The following SORCS2 variants were observed in gnomAD, a reference collection of about 807,000 sequenced individuals.
SORCS2 encodes the protein VPS10 domain-containing receptor SorCS2.
Under a neutral mutation model 141.6 loss-of-function variants are expected in SORCS2, and 100 were observed. The observed-to-expected ratio is 0.71, with a 90% CI of 0.60 to 0.83. The LOEUF is 0.83. SORCS2 is among the 40% of genes least tolerant of loss of function. SORCS2 has a pLI of 0.00. For synonymous variants in SORCS2, 789 were observed against 676.9 expected, an observed-to-expected ratio of 1.17 and a Z score of -2.57; for missense variants, 1,646 against 1,560.2, an observed-to-expected ratio of 1.05 and a Z score of -0.93.
intron 2 of SORCS2, among the ~76,000 whole-genome samples, chr4:7,471,799 G>A (rs1729994172): frequency 6.6e-6 from 1 of 152,234 alleles, no homozygotes; most frequent in Admixed American, 6.5e-5. Flanking sequence ...GGTGATGTCT[G>A]CGGAATGCAA....
intron 7 of SORCS2, 38 bp from the exon 8 acceptor site, chr4:7,667,086 A>C: frequency 1.3e-6 from 2 of 1,552,594 alleles, no homozygotes; most frequent in Non-Finnish European, 1.8e-6. Flanking sequence ...TGGAGAGGGA[A>C]TCAAGCCTCT....
At chr4:7,538,004 CA>C (rs1712271068) in intron 3 of SORCS2, among the ~76,000 whole-genome samples, 1 of 152,042 alleles carries the variant, frequency 6.6e-6, no homozygotes, top group African/African-American at 2.4e-5. Flanking sequence ...GAAAAGGGGG[CA>C]AAGTCAGCCT....
At chr4:7,420,588 T>C (rs546233886) in intron 2 of SORCS2, among the ~76,000 whole-genome samples, 13 of 152,196 alleles carry the variant, frequency 8.5e-5, no homozygotes, top group Non-Finnish European at 1.6e-4. Context: ...AGTGTGGCCA[T>C]GGAAGGAAGT....
intron 4 of SORCS2, among the ~76,000 whole-genome samples, chr4:7,651,398 C>T (rs886369): frequency 0.089 from 13,489 of 152,136 alleles, 1,282 homozygotes; most frequent in African/African-American, 0.24. Flanking sequence ...GGCTTCCTGG[C>T]ATTGCTGTTA....
chr4:7,674,242 A>G (rs1361173757), intron 8 of SORCS2, among the ~76,000 whole-genome samples: 1 of 151,840 alleles, frequency 6.6e-6, no homozygotes, highest in Non-Finnish European at 1.5e-5. Flanking sequence ...GGCTCCTGCC[A>G]CTGTGGGGTC....
In SORCS2 at chr4:7,381,967, G is replaced by T. The variant is rs564592897; in HGVS notation, c.481-14321G>T. On this transcript the variant is annotated intron_variant, in intron 1 of 26. Coordinates refer to ENST00000507866, the MANE Select transcript of SORCS2 (RefSeq NM_020777.3). ...CCACTAGCCTCTCTGGGCCAGGCCT[G>T]TGGAGTCTCCAGAGGAAACAGGCAG... is the stretch of plus-strand genomic sequence containing the variant. 6 of 985,820 alleles carry T rather than the reference G, an allele frequency of 6.1e-6. No individual in the cohort carries two copies. The South Asian group carries it at 2.3e-4, about 39-fold the overall frequency. 61.1% of individuals were successfully genotyped at this position (985,820 alleles called of 1,614,324 possible).
chr4:7,493,125 G>GGA (rs1195234214), intron 2 of SORCS2, among the ~76,000 whole-genome samples: 2 of 152,286 alleles, frequency 1.3e-5, no homozygotes, highest in South Asian at 2.1e-4. Context: ...AGAAACAAAT[G>GGA]GATGTTTCAA....
chr4:7,298,729 C>T (rs1304934243), intron 1 of SORCS2, among the ~76,000 whole-genome samples: 1 of 152,192 alleles, frequency 6.6e-6, no homozygotes, highest in African/African-American at 2.4e-5. Flanking sequence ...GGGCTCATGT[C>T]CATGCTAACC....
chr4:7,592,246 AATT>A (rs1359167159), intron 3 of SORCS2, among the ~76,000 whole-genome samples: 1 of 151,962 alleles, frequency 6.6e-6, no homozygotes, highest in South Asian at 2.1e-4. Context: ...CTGCTGCTCT[AATT>A]ATTATTATTT....
intron 5 of SORCS2, among the ~76,000 whole-genome samples, chr4:7,658,812 C>T (rs557030933): frequency 5.3e-5 from 8 of 152,282 alleles, no homozygotes; most frequent in Middle Eastern, 3.4e-3. Context: ...GGGAACCGAA[C>T]GGGGCCAAGT....
At chr4:7,732,729 G>A (rs183520515) in intron 23 of SORCS2, among the ~76,000 whole-genome samples, 95 of 152,174 alleles carry the variant, frequency 6.2e-4, no homozygotes, top group African/African-American at 2.2e-3. Context: ...GGCACACTCC[G>A]TAGCCTGTGT....
chr4:7,290,066 CTG>C (rs1033621023), intron 1 of SORCS2, among the ~76,000 whole-genome samples: 26 of 152,282 alleles, frequency 1.7e-4, no homozygotes, highest in Middle Eastern at 6.8e-3. Flanking sequence ...CTGAGTGGCT[CTG>C]TACCAGGGGC....
At chr4:7,646,324 C>T (rs762414150) in intron 4 of SORCS2, among the ~76,000 whole-genome samples, 3 of 152,220 alleles carry the variant, frequency 2.0e-5, no homozygotes, top group African/African-American at 4.8e-5. Flanking sequence ...GGTACGCATC[C>T]GTATGGCTGG....
chr4:7,446,075 C>G (rs1247505594), intron 2 of SORCS2, among the ~76,000 whole-genome samples: 1 of 152,040 alleles, frequency 6.6e-6, no homozygotes, highest in Non-Finnish European at 1.5e-5. Context: ...CTTCCTTCCT[C>G]CCTGTCTTCT....
chr4:7,418,088 T>C (rs1387356906), intron 2 of SORCS2, among the ~76,000 whole-genome samples: 2 of 152,150 alleles, frequency 1.3e-5, no homozygotes, highest in Admixed American at 6.5e-5. Context: ...CTGTCACTTC[T>C]TCCTCCTCCT....
At chr4:7,309,401 A>G (rs1455639431) in intron 1 of SORCS2, among the ~76,000 whole-genome samples, 3 of 152,114 alleles carry the variant, frequency 2.0e-5, no homozygotes, top group Non-Finnish European at 2.9e-5. Flanking sequence ...AGCCAAATCT[A>G]TCTTTAGCAA....
Position 7,740,684 on chromosome 4 carries a change from G to A in SORCS2, c.*420G>A, listed in dbSNP as rs1044207982. ...CGGGCTCCTTCCCCGCAGAGGCCGG[G>A]GCCTCCCTGACTTTGCTTCTTCACT... On this transcript the variant is annotated 3_prime_UTR_variant, in exon 27 of 27. Coordinates refer to ENST00000507866, the MANE Select transcript of SORCS2 (RefSeq NM_020777.3). 3.5e-6 allele frequency: 1 copy of A among 282,520 alleles called. No homozygotes were observed. Among genetic ancestry groups the A allele is most frequent in the African/African-American group, 2.1e-5 (1 of 46,994 alleles). The allele number at this position is 282,520 out of a possible 1,614,324, so 17.5% of individuals were successfully genotyped here.
chr4:7,399,672 C>T, intron 2 of SORCS2, among the ~76,000 whole-genome samples: 1 of 152,160 alleles, frequency 6.6e-6, no homozygotes, highest in East Asian at 1.9e-4. Context: ...TTGAAGTGTG[C>T]AGGGCGTGCT....
At position 7,228,162 on chromosome 4, in the gene SORCS2, G is replaced by C. The variant is rs79317414; in HGVS notation, c.480+35036G>C. On this transcript the variant is annotated intron_variant, in intron 1 of 26. Coordinates refer to ENST00000507866, the MANE Select transcript of SORCS2 (RefSeq NM_020777.3). ...AGGGTTGGTTTTCTTCCGAGGCCCCGCTCCTTGGCTCGCAGATGCTGTCTT... is the reference window on the plus strand; with the variant it reads ...AGGGTTGGTTTTCTTCCGAGGCCCCCCTCCTTGGCTCGCAGATGCTGTCTT... Among the ~76,000 whole-genome samples the C allele has an allele frequency of 8.4e-3, 1,281 of 152,278 alleles. 24 individuals are homozygous for C. Among genetic ancestry groups the C allele is most frequent in the African/African-American group, 0.029 (1,198 of 41,544 alleles).
Sources: gnomAD v4.1 joint callset for allele counts (sites outside exome capture counted in the v4.1 genomes callset) on GRCh38, gnomAD v4.1.1 for gene constraint, MANE v1.5 for transcripts, NCBI Gene and HGNC (gene_info 2026-07-23, HGNC 2026-07-21) for gene names.